Variants in ZDHHC15 observed in about 807,000 individuals in gnomAD.
The protein encoded by ZDHHC15 is zDHHC palmitoyltransferase 15.
A neutral mutation model predicts 31.7 loss-of-function variants in ZDHHC15; 19 were observed. The ratio of observed to expected loss-of-function variants is 0.60; its 90% CI spans 0.42 to 0.88. The LOEUF (loss-of-function observed/expected upper bound fraction) is 0.88. ZDHHC15 is among the 40% of genes least tolerant of loss of function. The pLI is 0.00. For missense variants in ZDHHC15, 209 were observed against 251.2 expected, an observed-to-expected ratio of 0.83 and a Z score of 1.14; for synonymous variants, 103 against 90.0, an observed-to-expected ratio of 1.14 and a Z score of -0.82.
Position 75,372,077 on chromosome X carries a change from T to C in ZDHHC15, c.*901A>G, listed in dbSNP as rs1274964799. On this transcript the variant is annotated 3_prime_UTR_variant, in exon 12 of 12. Transcript: ENST00000373367. The stretch of plus-strand genomic sequence containing the variant: ...CTCTGAAAACCCTTAACAAAACCTA[T>C]GGGCCATAACTTAGGCTTATAGATT... 8.9e-6 allele frequency: 1 copy of C among 111,798 alleles called. No homozygotes were observed. Among genetic ancestry groups the C allele is most frequent in the East Asian group, 2.8e-4 (1 of 3,574 alleles). 9.2% of individuals were successfully genotyped at this position (111,798 alleles called of 1,213,427 possible). A position where few individuals can be genotyped will look rare whatever the true frequency, so the allele number is the denominator to read the frequency against.
chrX:75,479,422 T>G (rs113564915), intron 2 of ZDHHC15, among the ~76,000 whole-genome samples: 2,389 of 112,174 alleles, frequency 0.021, 55 homozygotes, highest in African/African-American at 0.073. Context: ...GGATAGTCGA[T>G]TAACTACCAG....
chrX:75,486,372 T>C (rs756316617), intron 2 of ZDHHC15, among the ~76,000 whole-genome samples: 23 of 112,514 alleles, frequency 2.0e-4, no homozygotes, highest in African/African-American at 7.4e-4. Context: ...CCAGCAAGAA[T>C]TGTGGAGAGG....
chrX:75,413,004 G>C (rs1302076575), intron 10 of ZDHHC15, among the ~76,000 whole-genome samples: 1 of 111,315 alleles, frequency 9.0e-6, no homozygotes, highest in Non-Finnish European at 1.9e-5. Flanking sequence ...GGGGACTATA[G>C]TTAATAATAT....
At chrX:75,516,228 AGG>A (rs1261023513) in intron 1 of ZDHHC15, among the ~76,000 whole-genome samples, 14 of 112,109 alleles carry the variant, frequency 1.2e-4, no homozygotes, top group Non-Finnish European at 2.3e-4. Context: ...GAATTGGAAA[AGG>A]CTACTTTAAA....
At chrX:75,480,185 T>G (rs1367557789) in intron 2 of ZDHHC15, among the ~76,000 whole-genome samples, 1 of 111,485 alleles carries the variant, frequency 9.0e-6, no homozygotes, top group East Asian at 2.8e-4. Flanking sequence ...GGCTCAGTTC[T>G]CCCAGCCCTA....
intron 1 of ZDHHC15, among the ~76,000 whole-genome samples, chrX:75,508,172 T>A (rs1049040312): frequency 4.5e-5 from 5 of 110,479 alleles, no homozygotes; most frequent in African/African-American, 1.6e-4. Flanking sequence ...ATACTTTAAG[T>A]TCTAGGGTAC....
intron 10 of ZDHHC15, among the ~76,000 whole-genome samples, chrX:75,379,635 G>T (rs1049381529): frequency 2.5e-4 from 28 of 111,988 alleles, no homozygotes; most frequent in African/African-American, 8.8e-4. Context: ...AAGAGGCTTT[G>T]GGATTAACAA....
intron 10 of ZDHHC15, among the ~76,000 whole-genome samples, chrX:75,391,206 G>A (rs989086962): frequency 9.0e-6 from 1 of 111,532 alleles, no homozygotes; most frequent in Non-Finnish European, 1.9e-5. Context: ...AAAGAAAAAA[G>A]CACACTCACA....
At chrX:75,474,430 C>T (rs1334692973) in intron 3 of ZDHHC15, among the ~76,000 whole-genome samples, 1 of 67,890 alleles carries the variant, frequency 1.5e-5, no homozygotes, top group Non-Finnish European at 2.8e-5. Flanking sequence ...AATAAACTCC[C>T]CTTTATATAT....
At chrX:75,452,744 G>A (rs776840553) in intron 3 of ZDHHC15, among the ~76,000 whole-genome samples, 2 of 111,696 alleles carry the variant, frequency 1.8e-5, no homozygotes, top group Non-Finnish European at 3.8e-5. Context: ...AGTCAAAACC[G>A]CACAACTACA....
intron 10 of ZDHHC15, among the ~76,000 whole-genome samples, chrX:75,391,447 A>G (rs115189376): frequency 2.7e-4 from 30 of 111,840 alleles, no homozygotes; most frequent in African/African-American, 9.1e-4. Context: ...AAAGGTGACA[A>G]ATAAAGAAAG....
chrX:75,514,084 G>T (rs1403552459), intron 1 of ZDHHC15, among the ~76,000 whole-genome samples: 1 of 112,957 alleles, frequency 8.9e-6, no homozygotes, highest in East Asian at 2.8e-4. Flanking sequence ...TGAGGGAGCT[G>T]ATCACTAGTA....
rs767689671 is a variant in ZDHHC15, at chrX:75,478,988, G to A, written c.164-3C>T. Reference sequence around the variant, plus strand: ...ATGGTAGAGTATGAGGTAAATAACTGAAATAAAAAAAAAATCAGTGTTTAT... The same window carrying A: ...ATGGTAGAGTATGAGGTAAATAACTAAAATAAAAAAAAAATCAGTGTTTAT... On this transcript the variant is annotated splice_polypyrimidine_tract_variant and splice_region_variant and intron_variant, in intron 2 of 11. Transcript: ENST00000373367. The A allele has an allele frequency of 5.6e-5, 63 of 1,129,421 alleles. No homozygotes were observed. The highest frequency in any genetic ancestry group is 7.8e-5 in the Admixed American group (3 of 38,707). The allele number at this position is 1,129,421 out of a possible 1,213,427, so 93.1% of individuals were successfully genotyped here.
chrX:75,404,368 T>C (rs1388357770), intron 10 of ZDHHC15, among the ~76,000 whole-genome samples: 1 of 111,640 alleles, frequency 9.0e-6, no homozygotes, highest in East Asian at 2.8e-4. Context: ...ATAGCAAAAA[T>C]TGACAAATAG....
intron 4 of ZDHHC15, among the ~76,000 whole-genome samples, chrX:75,435,645 A>G (rs1444933902): frequency 1.8e-5 from 2 of 112,224 alleles, no homozygotes; most frequent in Non-Finnish European, 3.8e-5. Flanking sequence ...TACCACATTT[A>G]TTGACTTGCC....
chrX:75,456,180 A>G (rs1296878945), intron 3 of ZDHHC15, among the ~76,000 whole-genome samples: 1 of 111,745 alleles, frequency 8.9e-6, no homozygotes, highest in Non-Finnish European at 1.9e-5. Context: ...GCCATAAAAA[A>G]GGATGAGTTC....
intron 2 of ZDHHC15, 52 bp from the exon 3 acceptor site, chrX:75,479,037 GA>G: frequency 1.1e-6 from 1 of 874,867 alleles, no homozygotes; most frequent in Non-Finnish European, 1.6e-6. Context: ...CCATTTCTAA[GA>G]ATTCAAAAAT....
intron 2 of ZDHHC15, among the ~76,000 whole-genome samples, chrX:75,503,158 G>A (rs918800448): frequency 2.7e-5 from 3 of 110,050 alleles, no homozygotes; most frequent in Non-Finnish European, 5.7e-5. Context: ...TAAAAAAAGA[G>A]TATCTGAATC....
At chrX:75,500,355 T>C (rs1207012509) in intron 2 of ZDHHC15, among the ~76,000 whole-genome samples, 1 of 110,393 alleles carries the variant, frequency 9.1e-6, no homozygotes, top group African/African-American at 3.3e-5. Context: ...AAATGAAATA[T>C]ATTTGTATAT....
Sources: allele counts gnomAD v4.1 joint callset (sites outside exome capture counted in the v4.1 genomes callset), GRCh38; gene constraint gnomAD v4.1.1; transcripts MANE v1.5; gene names NCBI Gene and HGNC (gene_info 2026-07-23, HGNC 2026-07-21).